GABRG3: variants seen among roughly 807,000 people sequenced by gnomAD.
GABRG3 encodes the protein gamma-aminobutyric acid type A receptor subunit gamma3, also known as gamma-aminobutyric acid receptor subunit gamma-3.
In GABRG3, 25 loss-of-function variants were observed where a neutral mutation model predicts 48.8. The observed-to-expected ratio is 0.51, with a 90% confidence interval of 0.37 to 0.72. The LOEUF (loss-of-function observed/expected upper bound fraction) is 0.72, where lower values mean the gene tolerates loss of function less well. Among genes scored for constraint, GABRG3 ranks in the 30% least tolerant of loss-of-function variants. The probability of loss-of-function intolerance (pLI) is 0.00; values close to 1 mark genes in which losing one functional copy is unlikely to be tolerated. For missense variants in GABRG3, 394 were observed against 577.9 expected, an observed-to-expected ratio of 0.68 and a Z score of 3.26; for synonymous variants, 227 against 217.6, an observed-to-expected ratio of 1.04 and a Z score of -0.38.
chr15:27,376,942 CT>C (rs1170832435), intron 5 of GABRG3, among the ~76,000 whole-genome samples: 1 of 152,154 alleles, frequency 6.6e-6, no homozygotes, highest in African/African-American at 2.4e-5. Context: ...ATTTTCCAAA[CT>C]TTTATGCTCT....
At chr15:27,241,815 T>C (rs1046423949) in intron 3 of GABRG3, among the ~76,000 whole-genome samples, 1 of 152,226 alleles carries the variant, frequency 6.6e-6, no homozygotes, top group Non-Finnish European at 1.5e-5. Context: ...TATGACATTA[T>C]TGACTTTGTG....
chr15:27,037,365 C>T (rs763848030), intron 3 of GABRG3, among the ~76,000 whole-genome samples: 9 of 152,124 alleles, frequency 5.9e-5, no homozygotes, highest in East Asian at 1.9e-4. Context: ...AAGGGTGGCT[C>T]GACAGTCAAC....
chr15:27,006,198 CTTTT>C (rs367878443), intron 2 of GABRG3, among the ~76,000 whole-genome samples: 3 of 151,220 alleles, frequency 2.0e-5, no homozygotes, highest in African/African-American at 7.3e-5. Context: ...TGTCTTCCAA[CTTTT>C]TTTGTTTGTT....
intron 9 of GABRG3, among the ~76,000 whole-genome samples, chr15:27,530,044 A>T (rs1891383962): frequency 6.6e-6 from 1 of 152,178 alleles, no homozygotes; most frequent in Non-Finnish European, 1.5e-5. Context: ...AGAAAAAGGA[A>T]GTCTGTCCTC....
chr15:27,317,714 A>G (rs1893279935), intron 3 of GABRG3, among the ~76,000 whole-genome samples: 1 of 152,222 alleles, frequency 6.6e-6, no homozygotes, highest in Non-Finnish European at 1.5e-5. Flanking sequence ...AGCATTTAGA[A>G]TGACTTAAAT....
chr15:27,307,867 A>G (rs904271692), intron 3 of GABRG3, among the ~76,000 whole-genome samples: 2 of 135,050 alleles, frequency 1.5e-5, no homozygotes, highest in African/African-American at 2.7e-5. Context: ...ATAAATATAT[A>G]TAAATGTATA....
chr15:27,267,878 A>G (rs1890969691), intron 3 of GABRG3, among the ~76,000 whole-genome samples: 1 of 152,194 alleles, frequency 6.6e-6, no homozygotes, highest in South Asian at 2.1e-4. Flanking sequence ...CCAACCTTAC[A>G]TTCCTGCATT....
chr15:27,001,968 T>A (rs909631076), intron 2 of GABRG3, among the ~76,000 whole-genome samples: 2 of 151,278 alleles, frequency 1.3e-5, no homozygotes, highest in Non-Finnish European at 2.9e-5. Flanking sequence ...TAGATGAAGA[T>A]ATAGTGTGAT....
At chr15:27,369,875 C>T (rs1009769245) in intron 5 of GABRG3, among the ~76,000 whole-genome samples, 1 of 147,920 alleles carries the variant, frequency 6.8e-6, no homozygotes, top group Non-Finnish European at 1.5e-5. Context: ...GATGTGGGCA[C>T]GGACCCAGAT....
At chr15:27,461,291 T>G (rs1889440081) in intron 5 of GABRG3, among the ~76,000 whole-genome samples, 1 of 152,230 alleles carries the variant, frequency 6.6e-6, no homozygotes, top group South Asian at 2.1e-4. Context: ...ACTTTTTTTT[T>G]GCTGGCACTG....
intron 2 of GABRG3, among the ~76,000 whole-genome samples, chr15:26,989,565 C>A (rs2140645725): frequency 6.6e-6 from 1 of 152,252 alleles, no homozygotes; most frequent in East Asian, 1.9e-4. Context: ...GCATGCAATG[C>A]ATAATAATCA....
chr15:27,019,020 G>C (rs1895831827), intron 2 of GABRG3, among the ~76,000 whole-genome samples: 1 of 135,130 alleles, frequency 7.4e-6, no homozygotes, highest in African/African-American at 2.7e-5. Flanking sequence ...GTAAAAAACA[G>C]TACTAATCCC....
chr15:26,976,935 C>CA lies in GABRG3; in HGVS notation c.54-64dup. 6.4e-7 allele frequency: 1 copy of CA among 1,563,230 alleles called. No homozygotes were observed. On this transcript the variant is annotated intron_variant, in intron 1 of 9. Transcript: ENST00000615808. The surrounding 1 kb of genome is among the most constrained non-coding windows in gnomAD (Gnocchi z 7.8). ...CCCATTTCATGGTACTTGGATAGGA[C>CA]AAACTTAGGCTCTTCCTAGAGCCAT...
intron 3 of GABRG3, among the ~76,000 whole-genome samples, chr15:27,052,911 G>A (rs533908842): frequency 7.2e-5 from 11 of 152,184 alleles, no homozygotes; most frequent in African/African-American, 2.6e-4. Flanking sequence ...TAAGCAATAG[G>A]GAAAGGACTC....
rs942622048 is a variant in GABRG3 at position 27,125,992 on chromosome 15, A to G, written c.270+99171A>G. 8.5e-4 allele frequency among the ~76,000 whole-genome samples: 129 copies of G among 152,246 alleles called. 1 individual carries two copies. Among genetic ancestry groups the G allele is most frequent in the African/African-American group, 3.0e-3 (126 of 41,470 alleles). On this transcript the variant is annotated intron_variant, in intron 3 of 9. Coordinates refer to ENST00000615808, the MANE Select transcript of GABRG3 (RefSeq NM_033223.5). ...TCCAGTAAAAAGGAAGAACTGCCTT[A>G]TGCATGCAACTCAGCAGAGATGATG...
Position 27,111,579 on chromosome 15 carries a change from C to G in GABRG3, c.270+84758C>G, listed in dbSNP as rs141877697. 5.3e-5 allele frequency among the ~76,000 whole-genome samples: 8 copies of G among 152,284 alleles called. No homozygotes were observed. In the East Asian group the frequency reaches 1.6e-3, roughly 30 times the overall value. On this transcript the variant is annotated intron_variant, in intron 3 of 9. Coordinates refer to ENST00000615808, the MANE Select transcript of GABRG3 (RefSeq NM_033223.5). The stretch of plus-strand genomic sequence containing the variant: ...GTTGTATCTGTAAGTAGCAGAGCTT[C>G]ACAGCCTTCTGGTGTCCTCATTTTT...
chr15:27,142,257 C>T (rs1312565127), intron 3 of GABRG3, among the ~76,000 whole-genome samples: 9 of 152,224 alleles, frequency 5.9e-5, no homozygotes, highest in South Asian at 2.1e-4. Flanking sequence ...TCCGTTTTCA[C>T]GCTGCTGATA....
At chr15:26,991,790 G>A (rs567856988) in intron 2 of GABRG3, among the ~76,000 whole-genome samples, 115 of 151,712 alleles carry the variant, frequency 7.6e-4, no homozygotes, top group Non-Finnish European at 1.1e-3. Flanking sequence ...GCATGATCTC[G>A]GCTCACTGCA....
intron 6 of GABRG3, among the ~76,000 whole-genome samples, chr15:27,486,286 T>C (rs1890217733): frequency 6.6e-6 from 1 of 152,150 alleles, no homozygotes; most frequent in African/African-American, 2.4e-5. Context: ...TGGTTTATTA[T>C]AAGACCACAA....
Sources: allele counts gnomAD v4.1 joint callset (sites outside exome capture counted in the v4.1 genomes callset), GRCh38; gene constraint gnomAD v4.1.1; non-coding constraint Gnocchi (gnomAD v3.1); transcripts MANE v1.5; gene names NCBI Gene and HGNC (gene_info 2026-07-23, HGNC 2026-07-21).